Variants in CACNB2 observed in about 807,000 individuals in gnomAD.
CACNB2 encodes the protein calcium voltage-gated channel auxiliary subunit beta 2.
A neutral mutation model predicts 73.3 loss-of-function variants in CACNB2; 42 were observed. The ratio of observed to expected loss-of-function variants is 0.57; its 90% confidence interval spans 0.45 to 0.74. CACNB2 has a LOEUF of 0.74. CACNB2 is among the 30% of genes least tolerant of loss of function. The pLI, the probability that CACNB2 is intolerant of heterozygous loss-of-function variation, is 0.00. For synonymous variants in CACNB2, 348 were observed against 310.3 expected, an observed-to-expected ratio of 1.12 and a Z score of -1.28; for missense variants, 940 against 853.0, an observed-to-expected ratio of 1.10 and a Z score of -1.27.
chr10:18,454,132 G>A (rs2047151297), intron 3 of CACNB2, among the ~76,000 whole-genome samples: 1 of 152,182 alleles, frequency 6.6e-6, no homozygotes, highest in African/African-American at 2.4e-5. Flanking sequence ...AAATAAAATG[G>A]ACAGTTATCA....
At position 18,449,317 on chromosome 10, in the gene CACNB2, A is replaced by G. The variant is rs544374759; in HGVS notation, c.333+47274A>G. ...GGAGAATGGTGTGAACCTGGGAGGCAGAGCTTGCAGTGAGCCGAGATCGCG... is the reference window on the plus strand; with the variant it reads ...GGAGAATGGTGTGAACCTGGGAGGCGGAGCTTGCAGTGAGCCGAGATCGCG... On this transcript the variant is annotated intron_variant, in intron 3 of 13. Coordinates refer to ENST00000324631, the MANE Select transcript of CACNB2 (RefSeq NM_201596.3). Among the ~76,000 whole-genome samples the G allele has an allele frequency of 3.0e-4, 45 of 152,212 alleles. 1 individual carries two copies. Among genetic ancestry groups the G allele is most frequent in the African/African-American group, 7.9e-4 (33 of 41,550 alleles).
chr10:18,457,386 GGCCCTCCA>G (rs760366076), intron 3 of CACNB2, among the ~76,000 whole-genome samples: 1 of 151,866 alleles, frequency 6.6e-6, no homozygotes, highest in Non-Finnish European at 1.5e-5. Flanking sequence ...CACCACACTT[GGCCCTCCA>G]AGAACTTTTG....
intron 2 of CACNB2, among the ~76,000 whole-genome samples, chr10:18,372,285 A>G (rs958745284): frequency 3.3e-5 from 5 of 152,164 alleles, no homozygotes; most frequent in African/African-American, 4.8e-5. Context: ...GCCCATGCCT[A>G]TGTCCTGAAT....
At chr10:18,268,163 A>G (rs2037894546) in intron 2 of CACNB2, among the ~76,000 whole-genome samples, 1 of 152,228 alleles carries the variant, frequency 6.6e-6, no homozygotes, top group Admixed American at 6.5e-5. Context: ...AAGCTCTTGT[A>G]AAGCGTATTG....
intron 2 of CACNB2, among the ~76,000 whole-genome samples, chr10:18,220,797 C>T (rs1180697826): frequency 6.6e-6 from 1 of 152,154 alleles, no homozygotes; most frequent in Non-Finnish European, 1.5e-5. Flanking sequence ...GTTGCGCGTT[C>T]CTTATGGGAA....
At chr10:18,477,996 G>C (rs191638772) in intron 3 of CACNB2, among the ~76,000 whole-genome samples, 4 of 152,042 alleles carry the variant, frequency 2.6e-5, no homozygotes, top group African/African-American at 7.2e-5. Flanking sequence ...GTGCAAAGGC[G>C]CCATCTCGGC....
chr10:18,288,989 G>A (rs1487182536), intron 2 of CACNB2, among the ~76,000 whole-genome samples: 1 of 152,120 alleles, frequency 6.6e-6, no homozygotes, highest in African/African-American at 2.4e-5. Context: ...AGATTACAGT[G>A]AGCCAAGATG....
chr10:18,443,899 G>T (rs892129677), intron 3 of CACNB2, among the ~76,000 whole-genome samples: 2 of 151,948 alleles, frequency 1.3e-5, no homozygotes, highest in African/African-American at 4.8e-5. Context: ...ATTTTTAATA[G>T]AGACGAGGTT....
At chr10:18,465,680 TTC>T (rs929308502) in intron 3 of CACNB2, among the ~76,000 whole-genome samples, 23 of 147,698 alleles carry the variant, frequency 1.6e-4, no homozygotes, top group African/African-American at 4.4e-4. Flanking sequence ...ATCCAACTTC[TTC>T]TTTTTTTTTT....
At chr10:18,420,953 T>C (rs1292575590) in intron 3 of CACNB2, among the ~76,000 whole-genome samples, 1 of 152,204 alleles carries the variant, frequency 6.6e-6, no homozygotes, top group Non-Finnish European at 1.5e-5. Flanking sequence ...TTCTAGAAAT[T>C]AAAGTTTACC....
chr10:18,336,626 A>C (rs1416170798), intron 2 of CACNB2, among the ~76,000 whole-genome samples: 4 of 100,578 alleles, frequency 4.0e-5, no homozygotes, highest in African/African-American at 1.6e-4. Flanking sequence ...ATCTCAAAAA[A>C]AGAAAAAAAA....
chr10:18,514,889 C>A (rs2051123199), intron 7 of CACNB2: 3 of 860,060 alleles, frequency 3.5e-6, no homozygotes, highest in East Asian at 2.5e-5. Flanking sequence ...TTATTAAATT[C>A]TGACTTATGA....
intron 2 of CACNB2, among the ~76,000 whole-genome samples, chr10:18,204,495 AT>A (rs2035012971): frequency 6.6e-6 from 1 of 152,086 alleles, no homozygotes; most frequent in African/African-American, 2.4e-5. Flanking sequence ...AGAATCTTTT[AT>A]TTTCTTTCTT....
intron 10 of CACNB2, among the ~76,000 whole-genome samples, chr10:18,530,794 A>ATTAAT (rs2052939811): frequency 6.6e-6 from 1 of 152,180 alleles, no homozygotes; most frequent in Non-Finnish European, 1.5e-5. Context: ...TTGCATGTGG[A>ATTAAT]TTAATTTAGT....
chr10:18,474,462 A>G (rs2048338320), intron 3 of CACNB2, among the ~76,000 whole-genome samples: 1 of 152,164 alleles, frequency 6.6e-6, no homozygotes, highest in Non-Finnish European at 1.5e-5. Context: ...AGGCTCCTAA[A>G]CTAAGGTGCA....
At chr10:18,436,307 G>C (rs2046134470) in intron 3 of CACNB2, among the ~76,000 whole-genome samples, 1 of 152,166 alleles carries the variant, frequency 6.6e-6, no homozygotes, top group Admixed American at 6.5e-5. Context: ...GCCATTTCAA[G>C]TATACTTTGC....
At chr10:18,154,729 A>G (rs561043186) in intron 2 of CACNB2, among the ~76,000 whole-genome samples, 28 of 152,202 alleles carry the variant, frequency 1.8e-4, no homozygotes, top group Admixed American at 1.3e-3. Context: ...CGGCCTCCCA[A>G]AGTGCTGGGA....
chr10:18,418,045 G>A (rs1402492988), intron 3 of CACNB2, among the ~76,000 whole-genome samples: 1 of 152,088 alleles, frequency 6.6e-6, no homozygotes, highest in East Asian at 1.9e-4. Context: ...CTGTAGTGCA[G>A]GAGTGCAGGG....
At chr10:18,400,945 A>T in intron 2 of CACNB2, 4 of 1,602,802 alleles carry the variant, frequency 2.5e-6, no homozygotes, top group Non-Finnish European at 3.4e-6. Context: ...TGGATAGGAA[A>T]GGAGCTGGGG....
Sources: allele counts gnomAD v4.1 joint callset (sites outside exome capture counted in the v4.1 genomes callset), GRCh38; gene constraint gnomAD v4.1.1; transcripts MANE v1.5; gene names NCBI Gene and HGNC (gene_info 2026-07-23, HGNC 2026-07-21).